COL26A1: variants seen among roughly 807,000 people sequenced by gnomAD.
The protein encoded by COL26A1 is collagen alpha-1(XXVI) chain.
In COL26A1, 41 loss-of-function variants were observed where a neutral mutation model predicts 59.3. The ratio of observed to expected loss-of-function variants is 0.69; its 90% CI spans 0.54 to 0.90. The LOEUF is 0.90. Among genes scored for constraint, COL26A1 ranks in the 40% least tolerant of loss-of-function variants. COL26A1 has a pLI of 0.00. For synonymous variants in COL26A1, 266 were observed against 256.0 expected (o/e 1.04, Z -0.37); for missense variants, 612 against 602.3 (o/e 1.02, Z -0.17).
chr7:101,494,964 G>A (rs1379979991), intron 3 of COL26A1, among the ~76,000 whole-genome samples: 4 of 152,188 alleles, frequency 2.6e-5, no homozygotes, highest in Admixed American at 2.6e-4. Flanking sequence ...TCAGCCCTGG[G>A]CTTCCTTCCC....
intron 3 of COL26A1, among the ~76,000 whole-genome samples, chr7:101,520,562 C>A (rs761247591): frequency 6.6e-6 from 1 of 151,658 alleles, no homozygotes; most frequent in Non-Finnish European, 1.5e-5. Flanking sequence ...TGGTGCACAC[C>A]TGTACTCCCA....
At chr7:101,491,761 CT>C in intron 3 of COL26A1, among the ~76,000 whole-genome samples, 1 of 152,284 alleles carries the variant, frequency 6.6e-6, no homozygotes, top group East Asian at 1.9e-4. Flanking sequence ...TGGCCGGTTT[CT>C]TTACTGCAAA....
At chr7:101,387,778 A>AT (rs1554404085) in intron 1 of COL26A1, among the ~76,000 whole-genome samples, 22 of 84,806 alleles carry the variant, frequency 2.6e-4, no homozygotes, top group East Asian at 5.6e-4. Context: ...ATATATATAT[A>AT]TTTTTTTTTA....
chr7:101,369,664 CTGT>C (rs967167104), intron 1 of COL26A1, among the ~76,000 whole-genome samples: 5 of 151,294 alleles, frequency 3.3e-5, no homozygotes, highest in African/African-American at 1.2e-4. Context: ...TTTTATGGGT[CTGT>C]TGTTCTGTAC....
At chr7:101,514,386 G>A (rs944719480) in intron 3 of COL26A1, among the ~76,000 whole-genome samples, 4 of 152,004 alleles carry the variant, frequency 2.6e-5, no homozygotes, top group Admixed American at 6.6e-5. Context: ...AAACCACAAC[G>A]AGATTCTGTT....
intron 3 of COL26A1, among the ~76,000 whole-genome samples, chr7:101,530,091 C>A (rs1795332189): frequency 6.6e-6 from 1 of 151,996 alleles, no homozygotes; most frequent in African/African-American, 2.4e-5. Context: ...AGATGGGGAG[C>A]AGGGTGAATG....
chr7:101,492,071 C>T (rs1794472623), intron 3 of COL26A1, among the ~76,000 whole-genome samples: 1 of 152,090 alleles, frequency 6.6e-6, no homozygotes, highest in Non-Finnish European at 1.5e-5. Flanking sequence ...GCAGGGTGCT[C>T]ACCTGGAGGC....
intron 1 of COL26A1, among the ~76,000 whole-genome samples, chr7:101,403,371 TAGTG>T (rs1394330072): frequency 6.6e-6 from 1 of 151,774 alleles, no homozygotes; most frequent in African/African-American, 2.4e-5. Context: ...ATACAAAAAT[TAGTG>T]GGGTGTGGTG....
At chr7:101,427,962 G>T (rs1792686929) in intron 2 of COL26A1, among the ~76,000 whole-genome samples, 2 of 152,116 alleles carry the variant, frequency 1.3e-5, no homozygotes, top group South Asian at 4.1e-4. Context: ...GCCTCTCCTG[G>T]TTCCCCTCTT....
intron 2 of COL26A1, among the ~76,000 whole-genome samples, chr7:101,441,113 G>A (rs4727495): frequency 0.57 from 86,959 of 151,828 alleles, 25,083 homozygotes; most frequent in Admixed American, 0.64. Context: ...TGTACTGAAC[G>A]AACACAAATT....
intron 3 of COL26A1, among the ~76,000 whole-genome samples, chr7:101,470,883 T>C (rs2130460135): frequency 6.6e-6 from 1 of 152,058 alleles, no homozygotes; most frequent in African/African-American, 2.4e-5. Context: ...GCCCCCACCC[T>C]CTCACCCTGA....
At chr7:101,387,768 A>ATTTTTTTTTTT (rs1194001209) in intron 1 of COL26A1, among the ~76,000 whole-genome samples, 81 of 36,460 alleles carry the variant, frequency 2.2e-3, no homozygotes, top group Non-Finnish European at 4.1e-3. Context: ...ATATATATAT[A>ATTTTTTTTTTT]TATATATATA....
At chr7:101,391,448 C>T (rs1791726538) in intron 1 of COL26A1, among the ~76,000 whole-genome samples, 1 of 152,238 alleles carries the variant, frequency 6.6e-6, no homozygotes, top group East Asian at 1.9e-4. Context: ...ACAGCTGGAG[C>T]CAGGAAATTT....
At chr7:101,548,639 G>A (rs1449899716) in intron 8 of COL26A1, among the ~76,000 whole-genome samples, 3 of 141,204 alleles carry the variant, frequency 2.1e-5, no homozygotes, top group Admixed American at 7.0e-5. Context: ...TAGCAGAGAC[G>A]CCAGGAGGGT....
Position 101,555,872 on chromosome 7 carries a change from G to T in COL26A1, c.1165+1G>T. 6.2e-7 allele frequency: 1 copy of T among 1,604,782 alleles called. No individual in the cohort carries two copies. The highest frequency in any genetic ancestry group is 8.5e-7 in the Non-Finnish European group (1 of 1,175,782). ...CTGGAGCACATGATTGGGATCCACGGTGAGCAGTGACCAGGATCAGCGGGC... is the reference window on the plus strand; with the variant it reads ...CTGGAGCACATGATTGGGATCCACGTTGAGCAGTGACCAGGATCAGCGGGC... On this transcript the variant is annotated splice_donor_variant, in intron 12 of 12. Transcript: ENST00000313669. LOFTEE classifies it high-confidence loss of function.
At chr7:101,511,004 G>C (rs112400975) in intron 3 of COL26A1, among the ~76,000 whole-genome samples, 2 of 149,546 alleles carry the variant, frequency 1.3e-5, no homozygotes, top group Non-Finnish European at 3.0e-5. Context: ...AGGTTCACGC[G>C]ATTCTCCTGC....
chr7:101,452,388 G>C (rs1215706590), intron 3 of COL26A1, among the ~76,000 whole-genome samples: 1 of 152,132 alleles, frequency 6.6e-6, no homozygotes, highest in Non-Finnish European at 1.5e-5. Context: ...ACTGTGAGCT[G>C]GTGAATTGTT....
chr7:101,485,950 A>G (rs1249609009), intron 3 of COL26A1, among the ~76,000 whole-genome samples: 2 of 152,130 alleles, frequency 1.3e-5, no homozygotes, highest in East Asian at 1.9e-4. Flanking sequence ...AGGCAGGTGG[A>G]TCACTTGAGG....
intron 2 of COL26A1, among the ~76,000 whole-genome samples, chr7:101,425,225 A>G (rs112935627): frequency 0.12 from 17,552 of 148,144 alleles, 2,028 homozygotes; most frequent in African/African-American, 0.29. Context: ...TCTCTACTAA[A>G]AATACAAAAA....
Sources: allele counts gnomAD v4.1 joint callset (sites outside exome capture counted in the v4.1 genomes callset), GRCh38; gene constraint gnomAD v4.1.1; transcripts MANE v1.5; gene names NCBI Gene and HGNC (gene_info 2026-07-23, HGNC 2026-07-21).